The following IPO11 variants were observed in gnomAD, a reference collection of about 807,000 sequenced individuals.
IPO11 encodes the protein importin 11, also known as importin-11.
In IPO11, 66 loss-of-function variants were observed where a neutral mutation model predicts 143.2. That is an observed-to-expected ratio of 0.46 (90% CI 0.38 to 0.57). The LOEUF (loss-of-function observed/expected upper bound fraction) is 0.57. Among genes scored for constraint, IPO11 ranks in the 20% least tolerant of loss-of-function variants. The probability of loss-of-function intolerance (pLI) is 0.00; values close to 1 mark genes in which losing one functional copy is unlikely to be tolerated. For synonymous variants in IPO11, 385 were observed against 377.8 expected (o/e 1.02, Z -0.22); for missense variants, 1,026 against 1,141.0 (o/e 0.90, Z 1.45).
intron 8 of IPO11, among the ~76,000 whole-genome samples, chr5:62,474,837 T>TGGCTACTAAGTGATTA (rs771211928): frequency 2.0e-5 from 3 of 152,134 alleles, no homozygotes; most frequent in Non-Finnish European, 4.4e-5. Context: ...GTATCCAAAA[T>TGGCTACTAAGTGATTA]GGCTACTAAG....
chr5:62,504,806 A>G, intron 17 of IPO11, 52 bp from the exon 18 acceptor site: 1 of 1,370,138 alleles, frequency 7.3e-7, no homozygotes, highest in South Asian at 1.3e-5. Flanking sequence ...TTAGATACAG[A>G]TTTATTTTGA....
chr5:62,502,082 C>A (rs1741365332), intron 16 of IPO11, among the ~76,000 whole-genome samples: 1 of 152,196 alleles, frequency 6.6e-6, no homozygotes, highest in South Asian at 2.1e-4. Flanking sequence ...GCTCTGCTTA[C>A]CTTTGTAGCA....
chr5:62,541,305 A>T (rs1449825629), intron 24 of IPO11, among the ~76,000 whole-genome samples: 1 of 150,936 alleles, frequency 6.6e-6, no homozygotes, highest in Non-Finnish European at 1.5e-5. Flanking sequence ...CGGGAGGCAG[A>T]GGTTGTGGTG....
intron 1 of IPO11, among the ~76,000 whole-genome samples, chr5:62,413,737 G>A (rs961298865): frequency 6.6e-6 from 1 of 152,186 alleles, no homozygotes; most frequent in African/African-American, 2.4e-5. Flanking sequence ...TCTTCAGAAG[G>A]AAGAATAGTT....
chr5:62,522,904 C>T (rs1027491431), intron 20 of IPO11, among the ~76,000 whole-genome samples: 3 of 152,132 alleles, frequency 2.0e-5, no homozygotes, highest in Non-Finnish European at 4.4e-5. Flanking sequence ...TTCTAGAAGT[C>T]CTCTTATTAT....
At chr5:62,581,544 A>G (rs1166339224) in intron 27 of IPO11, 2 of 382,126 alleles carry the variant, frequency 5.2e-6, no homozygotes, top group East Asian at 4.5e-5. Flanking sequence ...ACTGTGCCAA[A>G]TATTTCACAT....
In IPO11 at chr5:62,412,870, G is replaced by C. The variant is rs1743164554; in HGVS notation, c.-66G>C. ...AGCGTGGGGAGAGGGACCAACCGACGCCACTTCGTGTTGGGAAGTGGGAGC... is the reference window on the plus strand; with the variant it reads ...AGCGTGGGGAGAGGGACCAACCGACCCCACTTCGTGTTGGGAAGTGGGAGC... On this transcript the variant is annotated 5_prime_UTR_variant, in exon 1 of 30. Coordinates refer to ENST00000325324, the MANE Select transcript of IPO11 (RefSeq NM_016338.5). 6.6e-6 allele frequency: 1 copy of C among 152,670 alleles called. No homozygotes were observed. The highest frequency in any genetic ancestry group is 6.5e-5 in the Admixed American group (1 of 15,278). The allele number at this position is 152,670 out of a possible 1,614,324, so 9.5% of individuals were successfully genotyped here. A position where few individuals can be genotyped will look rare whatever the true frequency, so the allele number is the denominator to read the frequency against.
At chr5:62,486,194 T>TTGGTCTCGATCTCCTGACCTCG (rs1746399513) in intron 12 of IPO11, among the ~76,000 whole-genome samples, 2 of 151,852 alleles carry the variant, frequency 1.3e-5, no homozygotes, top group South Asian at 4.1e-4. Flanking sequence ...GTTAGCCAGG[T>TTGGTCTCGATCTCCTGACCTCG]TGGTCTCGAT....
chr5:62,444,412 A>T (rs1171230348), intron 3 of IPO11, among the ~76,000 whole-genome samples: 2 of 151,902 alleles, frequency 1.3e-5, no homozygotes, highest in African/African-American at 2.4e-5. Context: ...TTTACATAGG[A>T]TTAATTCATA....
chr5:62,551,155 C>T, intron 25 of IPO11, 68 bp from the exon 26 acceptor site: 2 of 801,996 alleles, frequency 2.5e-6, no homozygotes, highest in Non-Finnish European at 4.2e-6. Flanking sequence ...TTGCTTGTTA[C>T]TGTGTCAGTG....
rs1227019330 is a variant in IPO11, at chr5:62,563,656, T to C, written c.2582+2399T>C. Among the ~76,000 whole-genome samples, 5 of 152,188 alleles carry C rather than the reference T, an allele frequency of 3.3e-5. No homozygotes were observed. The East Asian group carries it at 9.6e-4, about 29-fold the overall frequency. The stretch of plus-strand genomic sequence containing the variant: ...GGGACTCAAGTCTAAATGTGAAATT[T>C]ATTTATATTTCATATACACCTCATA... On this transcript the variant is annotated intron_variant, in intron 27 of 29. Transcript: ENST00000325324.
intron 20 of IPO11, among the ~76,000 whole-genome samples, chr5:62,519,734 C>G (rs554396970): frequency 5.3e-5 from 8 of 152,262 alleles, no homozygotes; most frequent in Non-Finnish European, 7.4e-5. Flanking sequence ...AAGTCAGAAA[C>G]CTGGGCATGC....
intron 27 of IPO11, among the ~76,000 whole-genome samples, chr5:62,571,152 T>A (rs1744119941): frequency 6.6e-6 from 1 of 152,224 alleles, no homozygotes; most frequent in South Asian, 2.1e-4. Flanking sequence ...GGAACATCTT[T>A]TTTGTTTATT....
intron 15 of IPO11, among the ~76,000 whole-genome samples, chr5:62,491,842 A>ATT (rs559444259): frequency 6.7e-6 from 1 of 149,078 alleles, no homozygotes; most frequent in Admixed American, 6.7e-5. Context: ...ATTTTTTTGT[A>ATT]TTTTTTTTTA....
chr5:62,484,637 C>CT (rs538733704), intron 11 of IPO11, among the ~76,000 whole-genome samples: 68 of 151,100 alleles, frequency 4.5e-4, no homozygotes, highest in Admixed American at 3.0e-3. Context: ...TGTTGGGACC[C>CT]TTGCTATAGA....
intron 20 of IPO11, among the ~76,000 whole-genome samples, chr5:62,524,959 C>T (rs1202510433): frequency 2.6e-5 from 4 of 152,062 alleles, no homozygotes; most frequent in Admixed American, 6.6e-5. Context: ...ACTTTTTACC[C>T]GTTTTGTTTT....
intron 29 of IPO11, 95 bp from the exon 30 acceptor site, chr5:62,627,056 GTTA>G (rs769097715): frequency 7.6e-5 from 78 of 1,024,644 alleles, no homozygotes; most frequent in Non-Finnish European, 9.8e-5. Context: ...AAGCAATTTT[GTTA>G]CTGTAGAAGA....
intron 29 of IPO11, among the ~76,000 whole-genome samples, chr5:62,625,033 A>G (rs1025424412): frequency 3.3e-5 from 5 of 151,970 alleles, no homozygotes; most frequent in Admixed American, 6.6e-5. Flanking sequence ...GGCCTCTGAC[A>G]AAACAACTTT....
At chr5:62,475,594 G>C (rs572909048) in intron 8 of IPO11, among the ~76,000 whole-genome samples, 4 of 152,300 alleles carry the variant, frequency 2.6e-5, no homozygotes, top group Non-Finnish European at 5.9e-5. Context: ...GTCCACAACA[G>C]TCATATGTTT....
Sources: gnomAD v4.1 joint callset for allele counts (sites outside exome capture counted in the v4.1 genomes callset) on GRCh38, gnomAD v4.1.1 for gene constraint, MANE v1.5 for transcripts, NCBI Gene and HGNC (gene_info 2026-07-23, HGNC 2026-07-21) for gene names.